TAF1A: variants seen among roughly 807,000 people sequenced by gnomAD.
TAF1A encodes TATA box-binding protein-associated factor RNA polymerase I subunit A.
A neutral mutation model predicts 61.6 loss-of-function variants in TAF1A; 42 were observed. The observed-to-expected ratio is 0.68, with a 90% confidence interval of 0.53 to 0.88. TAF1A has a LOEUF of 0.88. TAF1A is among the 40% of genes least tolerant of loss of function. The pLI, the probability that TAF1A is intolerant of heterozygous loss-of-function variation, is 0.00. For synonymous variants in TAF1A, 179 were observed against 177.7 expected (o/e 1.01, Z -0.06); for missense variants, 424 against 518.7 (o/e 0.82, Z 1.77).
intron 1 of TAF1A, 79 bp from the exon 2 acceptor site, chr1:222,588,644 C>T: frequency 7.1e-7 from 1 of 1,410,634 alleles, no homozygotes; most frequent in Non-Finnish European, 9.6e-7. Context: ...AAACGGCTAT[C>T]TTTTTATCTA....
chr1:222,563,303 T>G lies in TAF1A; in HGVS notation c.962-7A>C. On this transcript the variant is annotated splice_region_variant and splice_polypyrimidine_tract_variant and intron_variant, in intron 8 of 10. Coordinates refer to ENST00000352967, the MANE Select transcript of TAF1A (RefSeq NM_005681.4). The stretch of plus-strand genomic sequence containing the variant: ...TTACGGTGTTCTTCTTTTTCTGCAA[T>G]GGTTTTAACAGTTCAAGTTTACATA... The G allele has an allele frequency of 6.2e-7, 1 of 1,610,310 alleles. No individual in the cohort carries two copies. The highest frequency in any genetic ancestry group is 8.5e-7 in the Non-Finnish European group (1 of 1,178,906).
At chr1:222,569,398 G>T (rs878884936) in intron 7 of TAF1A, 112 bp downstream of exon 7, 13 of 1,596,856 alleles carry the variant, frequency 8.1e-6, no homozygotes, top group Middle Eastern at 3.3e-4. Context: ...TCAGTGTACT[G>T]TACATTATTG....
At position 222,569,531 on chromosome 1, in the gene TAF1A, T is replaced by C; in HGVS notation, c.873A>G (p.Ser291=). Reference sequence around the variant, plus strand: ...ATACCTTAAGCACACTTATCAATTTTGATCTTGGTGCCTTCTGTCTCTTTA... The same window carrying C: ...ATACCTTAAGCACACTTATCAATTTCGATCTTGGTGCCTTCTGTCTCTTTA... ...NFLKRQKAPR[S]KLISVLKILY... is the part of the protein sequence containing the mutation. The change falls in exon 7 of 11, where the codon TCA becomes TCG. Residue 291 remains serine (S), a synonymous_variant. Transcript: ENST00000352967. The C allele has an allele frequency of 6.2e-7, 1 of 1,614,038 alleles. No homozygotes were observed. The highest frequency in any genetic ancestry group is 8.5e-7 in the Non-Finnish European group (1 of 1,179,952).
chr1:222,555,384 C>T (rs1659713705), downstream of TAF1A, among the ~76,000 whole-genome samples: 1 of 152,164 alleles, frequency 6.6e-6, no homozygotes, highest in Non-Finnish European at 1.5e-5. Flanking sequence ...TACTGCTCAG[C>T]CTTATAAAAG....
chr1:222,584,913 C>G (rs2936030), intron 2 of TAF1A, among the ~76,000 whole-genome samples: 130,577 of 152,202 alleles, frequency 0.86, 56,092 homozygotes, highest in East Asian at 0.93. Context: ...ACTATGAGAC[C>G]CCTCTAGTCC....
chr1:222,588,421 T>C, intron 2 of TAF1A, 22 bp downstream of exon 2: 1 of 1,609,138 alleles, frequency 6.2e-7, no homozygotes, highest in Non-Finnish European at 8.5e-7. Context: ...TTAAAATGGC[T>C]CAATGTTATT....
At chr1:222,559,188 A>C (rs2102633432) in intron 10 of TAF1A, among the ~76,000 whole-genome samples, 1 of 152,338 alleles carries the variant, frequency 6.6e-6, no homozygotes, top group Non-Finnish European at 1.5e-5. Flanking sequence ...CTTCCTTCTC[A>C]ATGTTAGCTT....
At chr1:222,567,026 T>C (rs1020309443) in intron 7 of TAF1A, among the ~76,000 whole-genome samples, 3 of 152,140 alleles carry the variant, frequency 2.0e-5, no homozygotes, top group African/African-American at 7.2e-5. Flanking sequence ...TTACTTATAA[T>C]AGCCAAACAA....
chr1:222,589,502 CAGG>C (rs1401760429), intron 1 of TAF1A, among the ~76,000 whole-genome samples: 3 of 152,182 alleles, frequency 2.0e-5, no homozygotes, highest in East Asian at 1.9e-4. Context: ...CACGTGTTTT[CAGG>C]AGTAGTTACA....
At chr1:222,561,588 TAAC>T in intron 9 of TAF1A, 70 bp from the exon 10 acceptor site, 1 of 1,381,784 alleles carries the variant, frequency 7.2e-7, no homozygotes. Context: ...AATTTAGACT[TAAC>T]TAGAGTCTAC....
chr1:222,588,347 T>C, intron 2 of TAF1A, 96 bp downstream of exon 2: 2 of 1,452,634 alleles, frequency 1.4e-6, no homozygotes, highest in Admixed American at 2.3e-5. Flanking sequence ...ATATTCCTCT[T>C]GAAAATTAAA....
chr1:222,556,442 G>A (rs1445379582), downstream of TAF1A, among the ~76,000 whole-genome samples: 1 of 152,202 alleles, frequency 6.6e-6, no homozygotes, highest in Admixed American at 6.5e-5. Flanking sequence ...GAACCACATT[G>A]ATTGGGTTGG....
chr1:222,584,033 T>C, intron 3 of TAF1A, 95 bp downstream of exon 3: 3 of 1,430,366 alleles, frequency 2.1e-6, no homozygotes, highest in Non-Finnish European at 2.8e-6. Context: ...TTTAGCAAAA[T>C]CACTGAGATT....
chr1:222,588,284 G>A (rs1455508567), intron 2 of TAF1A, among the ~76,000 whole-genome samples, 159 bp downstream of exon 2: 1 of 152,088 alleles, frequency 6.6e-6, no homozygotes, highest in Non-Finnish European at 1.5e-5. Context: ...CAAGGGCAAA[G>A]AATTCTAAAA....
intron 7 of TAF1A, among the ~76,000 whole-genome samples, chr1:222,565,536 T>C (rs1660081473): frequency 6.6e-6 from 1 of 152,260 alleles, no homozygotes; most frequent in Non-Finnish European, 1.5e-5. Context: ...CCATTAGTGA[T>C]TGATAACCTG....
At chr1:222,583,987 A>G in intron 3 of TAF1A, 141 bp downstream of exon 3, 1 of 855,282 alleles carries the variant, frequency 1.2e-6, no homozygotes, top group Non-Finnish European at 1.8e-6. Context: ...AAAGGTCCCA[A>G]TACAAACTCT....
At chr1:222,568,742 CCT>C (rs1660221990) in intron 7 of TAF1A, 1 of 152,180 alleles carries the variant, frequency 6.6e-6, no homozygotes, top group Admixed American at 6.5e-5. Flanking sequence ...GGCAGCAACT[CCT>C]CTCTCAGGTA....
intron 8 of TAF1A, 30 bp from the exon 9 acceptor site, chr1:222,563,326 A>G (rs375746381): frequency 6.2e-6 from 10 of 1,607,840 alleles, no homozygotes; most frequent in Admixed American, 3.4e-5. Context: ...TCAAGTTTAC[A>G]TAAGGTATTA....
intron 5 of TAF1A, among the ~76,000 whole-genome samples, chr1:222,574,365 A>C (rs577605266): frequency 6.6e-6 from 1 of 152,328 alleles, no homozygotes; most frequent in East Asian, 1.9e-4. Context: ...TGTTGAGGAG[A>C]ATACAAACAA....
Sources: gnomAD v4.1 joint callset for allele counts (sites outside exome capture counted in the v4.1 genomes callset) on GRCh38, gnomAD v4.1.1 for gene constraint, MANE v1.5 for transcripts, NCBI Gene and HGNC (gene_info 2026-07-23, HGNC 2026-07-21) for gene names.